PCDH9: variants seen among roughly 807,000 people sequenced by gnomAD.
PCDH9 encodes protocadherin-9.
A neutral mutation model predicts 70.6 loss-of-function variants in PCDH9; 24 were observed. The ratio of observed to expected loss-of-function variants is 0.34; its 90% CI spans 0.25 to 0.48. The LOEUF is 0.48. Ranked by LOEUF, PCDH9 falls within the 20% of genes least tolerant of loss-of-function variation. The pLI is 0.99. For synonymous variants in PCDH9, 562 were observed against 558.5 expected, an observed-to-expected ratio of 1.01 and a Z score of -0.09; for missense variants, 1,281 against 1,503.6, an observed-to-expected ratio of 0.85 and a Z score of 2.45.
chr13:66,590,577 T>C (rs2077025513), intron 4 of PCDH9, among the ~76,000 whole-genome samples: 2 of 151,932 alleles, frequency 1.3e-5, no homozygotes, highest in South Asian at 4.2e-4. Flanking sequence ...AGATCTAATC[T>C]GTGTTTACCA....
intron 3 of PCDH9, among the ~76,000 whole-genome samples, chr13:66,820,870 C>T (rs186054741): frequency 1.2e-3 from 183 of 151,966 alleles, no homozygotes; most frequent in African/African-American, 3.9e-3. Flanking sequence ...AAAATGATTA[C>T]GAAAAATAAC....
chr13:66,368,917 A>G (rs898694001), intron 4 of PCDH9, among the ~76,000 whole-genome samples: 2 of 152,106 alleles, frequency 1.3e-5, no homozygotes, highest in African/African-American at 4.8e-5. Flanking sequence ...TGAGAACGGC[A>G]TGGGAAAGAA....
At chr13:66,960,558 A>T (rs2083329774) in intron 2 of PCDH9, among the ~76,000 whole-genome samples, 1 of 152,194 alleles carries the variant, frequency 6.6e-6, no homozygotes, top group Admixed American at 6.5e-5. Flanking sequence ...GGTCACTCTC[A>T]TGTTATTATC....
intron 4 of PCDH9, among the ~76,000 whole-genome samples, chr13:66,449,990 C>T (rs1958172951): frequency 6.6e-6 from 1 of 152,048 alleles, no homozygotes. Context: ...AGGACAATTG[C>T]TTTGGAAAAT....
chr13:66,467,200 A>C (rs961605330), intron 4 of PCDH9, among the ~76,000 whole-genome samples: 3 of 152,078 alleles, frequency 2.0e-5, no homozygotes, highest in Non-Finnish European at 4.4e-5. Flanking sequence ...TAGATGTTTT[A>C]GATGTTCGCA....
chr13:66,607,722 T>C (rs1353569854), intron 4 of PCDH9, among the ~76,000 whole-genome samples: 1 of 152,114 alleles, frequency 6.6e-6, no homozygotes, highest in Non-Finnish European at 1.5e-5. Flanking sequence ...ATCTGCTAAA[T>C]AGAACACTGT....
At chr13:66,445,565 CGTGT>C (rs1958065089) in intron 4 of PCDH9, among the ~76,000 whole-genome samples, 1 of 137,250 alleles carries the variant, frequency 7.3e-6, no homozygotes, top group African/African-American at 2.7e-5. Flanking sequence ...ATAATATATA[CGTGT>C]ATATATTATA....
At chr13:66,765,553 G>A (rs1176931815) in intron 3 of PCDH9, among the ~76,000 whole-genome samples, 1 of 151,948 alleles carries the variant, frequency 6.6e-6, no homozygotes, top group Admixed American at 6.6e-5. Flanking sequence ...TGTTTTGCAT[G>A]TGATGTTCTT....
At chr13:66,877,513 T>G (rs2081838580) in intron 3 of PCDH9, among the ~76,000 whole-genome samples, 1 of 152,152 alleles carries the variant, frequency 6.6e-6, no homozygotes, top group Admixed American at 6.5e-5. Flanking sequence ...ACATAAGCCT[T>G]GGAGTCACCA....
intron 2 of PCDH9, among the ~76,000 whole-genome samples, chr13:67,166,079 G>A (rs1271829640): frequency 2.6e-5 from 4 of 152,136 alleles, no homozygotes; most frequent in Non-Finnish European, 4.4e-5. Context: ...TGAATGGTTA[G>A]GATCATGCTT....
rs1215249557 is a variant in PCDH9, at chr13:66,560,898, T to C, written c.3340+70312A>G. On this transcript the variant is annotated intron_variant, in intron 4 of 4. Coordinates refer to ENST00000377865, the MANE Select transcript of PCDH9 (RefSeq NM_203487.3). ...TATAAAGGACTGAGAGGTGACAGCG[T>C]GCTAGCAGTCCTCACAGCCCTGGCT... Among the ~76,000 whole-genome samples the C allele has an allele frequency of 3.3e-5, 5 of 152,268 alleles. No homozygotes were observed. In the East Asian group the frequency reaches 9.8e-4, roughly 30 times the overall value.
intron 3 of PCDH9, among the ~76,000 whole-genome samples, chr13:66,859,399 A>G (rs2081445353): frequency 6.6e-6 from 1 of 152,180 alleles, no homozygotes; most frequent in Non-Finnish European, 1.5e-5. Flanking sequence ...CCAACTCTTA[A>G]CTAACACTTC....
At chr13:66,650,601 G>A (rs8002546) in intron 3 of PCDH9, among the ~76,000 whole-genome samples, 4,454 of 151,852 alleles carry the variant, frequency 0.029, 224 homozygotes, top group African/African-American at 0.1. Context: ...GTAAGGGGAC[G>A]TTGTCTTGCA....
chr13:66,885,392 G>A (rs2081989476), intron 3 of PCDH9, among the ~76,000 whole-genome samples: 1 of 152,136 alleles, frequency 6.6e-6, no homozygotes, highest in Non-Finnish European at 1.5e-5. Context: ...AAATATATAT[G>A]TGTAGCAGTA....
rs369611135 is a variant in PCDH9 at position 66,939,612 on chromosome 13, T to C, written c.3037-36007A>G. Among the ~76,000 whole-genome samples, 146 of 152,222 alleles carry C rather than the reference T, an allele frequency of 9.6e-4. 2 individuals are homozygous for C. In the Middle Eastern group the frequency reaches 0.024, roughly 25 times the overall value. ...CCACCATACACTGCCAAGTTTTGTATTTTTAGTAGAGACACGGCTGGTCTT... is the reference window on the plus strand; with the variant it reads ...CCACCATACACTGCCAAGTTTTGTACTTTTAGTAGAGACACGGCTGGTCTT... On this transcript the variant is annotated intron_variant, in intron 2 of 4. Coordinates refer to ENST00000377865, the MANE Select transcript of PCDH9 (RefSeq NM_203487.3).
chr13:67,120,981 T>G (rs2086866524), intron 2 of PCDH9, among the ~76,000 whole-genome samples: 1 of 151,992 alleles, frequency 6.6e-6, no homozygotes, highest in Admixed American at 6.6e-5. Context: ...ATTCCATTGT[T>G]AACACAATCT....
At chr13:66,436,253 T>C (rs1314308086) in intron 4 of PCDH9, among the ~76,000 whole-genome samples, 1 of 152,146 alleles carries the variant, frequency 6.6e-6, no homozygotes, top group African/African-American at 2.4e-5. Context: ...GAATAATGTG[T>C]TTTAAAAGTG....
chr13:67,007,083 CAA>C (rs1381017545), intron 2 of PCDH9, among the ~76,000 whole-genome samples: 3 of 150,820 alleles, frequency 2.0e-5, no homozygotes, highest in Admixed American at 6.7e-5. Context: ...TGAAAAACTC[CAA>C]AGAGTATCAA....
At chr13:66,567,417 C>CA (rs2076669365) in intron 4 of PCDH9, among the ~76,000 whole-genome samples, 1 of 152,084 alleles carries the variant, frequency 6.6e-6, no homozygotes, top group Non-Finnish European at 1.5e-5. Context: ...CTCCCTTTCC[C>CA]ATTCATTACA....
Sources: allele counts gnomAD v4.1 joint callset (sites outside exome capture counted in the v4.1 genomes callset), GRCh38; gene constraint gnomAD v4.1.1; transcripts MANE v1.5; gene names NCBI Gene and HGNC (gene_info 2026-07-23, HGNC 2026-07-21).